The following EXOC4 variants were observed in gnomAD, a reference collection of about 807,000 sequenced individuals.
EXOC4 encodes the protein exocyst complex component 4.
A neutral mutation model predicts 107.2 loss-of-function variants in EXOC4; 71 were observed. That is an observed-to-expected ratio of 0.66 (90% CI 0.55 to 0.81). The LOEUF (loss-of-function observed/expected upper bound fraction) is 0.81. EXOC4 is among the 30% of genes least tolerant of loss of function. EXOC4 has a pLI of 0.00. For missense variants in EXOC4, 1,108 were observed against 1,189.6 expected, an observed-to-expected ratio of 0.93 and a Z score of 1.01; for synonymous variants, 456 against 441.2, an observed-to-expected ratio of 1.03 and a Z score of -0.42.
At chr7:133,816,242 A>G (rs891040571) in intron 10 of EXOC4, among the ~76,000 whole-genome samples, 2 of 152,212 alleles carry the variant, frequency 1.3e-5, no homozygotes, top group Non-Finnish European at 2.9e-5. Context: ...GACTGATGTT[A>G]TTTAACTAAA....
At position 133,253,140 on chromosome 7, in the gene EXOC4, A is replaced by C. The variant is rs752355682; in HGVS notation, c.39A>C (p.Thr13=). 2 of 1,614,208 alleles carry C rather than the reference A, an allele frequency of 1.2e-6. No individual in the cohort carries two copies. Among genetic ancestry groups the C allele is most frequent in the South Asian group, 1.1e-5 (1 of 91,086 alleles). The change falls in exon 1 of 18, where the codon ACA becomes ACC. Residue 13 remains threonine, a synonymous_variant. Transcript: ENST00000253861. The part of the protein sequence containing the change: ...AEAAGGKYRS[T]VSKSKDPSGL... ...CAGCTGGTGGGAAATACAGAAGCAC[A>C]GTCAGCAAAAGCAAAGACCCCTCGG...
intron 14 of EXOC4, 32 bp downstream of exon 14, chr7:133,938,101 C>T: frequency 1.2e-6 from 2 of 1,608,476 alleles, no homozygotes; most frequent in Non-Finnish European, 1.7e-6. Context: ...GTTGTGGGGA[C>T]AGTTGAGGAA....
At chr7:133,381,400 A>C (rs1199627210) in intron 7 of EXOC4, among the ~76,000 whole-genome samples, 1 of 152,138 alleles carries the variant, frequency 6.6e-6, no homozygotes, top group Non-Finnish European at 1.5e-5. Flanking sequence ...GAATGGCCCA[A>C]GAAAGGTTTT....
chr7:133,628,516 G>A (rs1802510801), intron 9 of EXOC4, among the ~76,000 whole-genome samples: 2 of 152,176 alleles, frequency 1.3e-5, no homozygotes, highest in South Asian at 4.1e-4. Context: ...CCCCTGGAGT[G>A]GGTAAAAGGT....
intron 17 of EXOC4, among the ~76,000 whole-genome samples, chr7:134,037,894 C>T (rs1389690042): frequency 1.3e-5 from 2 of 152,152 alleles, no homozygotes; most frequent in Non-Finnish European, 2.9e-5. Flanking sequence ...TATAAGATAG[C>T]GATCCTCAGC....
intron 10 of EXOC4, among the ~76,000 whole-genome samples, chr7:133,747,902 A>G (rs1263694414): frequency 1.3e-5 from 2 of 152,172 alleles, no homozygotes; most frequent in African/African-American, 4.8e-5. Context: ...TTTCTTGCCT[A>G]TCCGTACCAT....
chr7:133,704,140 A>G (rs1794720329), intron 10 of EXOC4, among the ~76,000 whole-genome samples: 1 of 152,180 alleles, frequency 6.6e-6, no homozygotes, highest in Non-Finnish European at 1.5e-5. Flanking sequence ...TTAAATAGTG[A>G]CGAGAACTTG....
At chr7:133,535,407 T>C (rs1484981658) in intron 9 of EXOC4, among the ~76,000 whole-genome samples, 1 of 152,184 alleles carries the variant, frequency 6.6e-6, no homozygotes, top group Non-Finnish European at 1.5e-5. Context: ...GAGAAGAATT[T>C]CATTTAAAAG....
At chr7:133,545,812 A>T (rs1425622642) in intron 9 of EXOC4, among the ~76,000 whole-genome samples, 1 of 152,184 alleles carries the variant, frequency 6.6e-6, no homozygotes, top group Non-Finnish European at 1.5e-5. Context: ...GTCAGATCTC[A>T]GTTTCATGTG....
intron 1 of EXOC4, among the ~76,000 whole-genome samples, chr7:133,255,899 A>T (rs1795005533): frequency 6.6e-6 from 1 of 151,918 alleles, no homozygotes; most frequent in Non-Finnish European, 1.5e-5. Context: ...TTGTGCTGTC[A>T]CTTGGAAGTT....
intron 2 of EXOC4, among the ~76,000 whole-genome samples, chr7:133,277,900 A>T (rs1367315270): frequency 6.6e-6 from 1 of 152,204 alleles, no homozygotes; most frequent in Non-Finnish European, 1.5e-5. Flanking sequence ...TACACTTTGG[A>T]TTATATATGA....
intron 10 of EXOC4, among the ~76,000 whole-genome samples, chr7:133,781,200 T>C (rs530248308): frequency 1.1e-4 from 17 of 152,348 alleles, no homozygotes; most frequent in Middle Eastern, 3.4e-3. Flanking sequence ...TCAAAACCAT[T>C]TGTGAAGAAG....
intron 9 of EXOC4, among the ~76,000 whole-genome samples, chr7:133,591,118 G>T (rs1033625556): frequency 1.9e-4 from 29 of 152,294 alleles, no homozygotes; most frequent in African/African-American, 7.0e-4. Context: ...CCACAAAAGG[G>T]CCAAGGGAAC....
chr7:133,962,633 A>G (rs1800973612), intron 14 of EXOC4, among the ~76,000 whole-genome samples: 1 of 152,166 alleles, frequency 6.6e-6, no homozygotes, highest in Non-Finnish European at 1.5e-5. Flanking sequence ...ATCTTACCAC[A>G]CAAACAACAT....
intron 9 of EXOC4, among the ~76,000 whole-genome samples, chr7:133,526,611 C>CT (rs1193850699): frequency 1.3e-5 from 2 of 152,178 alleles, no homozygotes; most frequent in Non-Finnish European, 2.9e-5. Flanking sequence ...TTTCATGTCC[C>CT]TGGGCCCAGT....
chr7:133,333,219 A>G (rs1374840342), intron 5 of EXOC4, among the ~76,000 whole-genome samples: 2 of 152,144 alleles, frequency 1.3e-5, no homozygotes, highest in Non-Finnish European at 2.9e-5. Context: ...TTGTTCTATG[A>G]CTTGTAATCA....
rs1285536993 is a variant in EXOC4 at position 134,065,192 on chromosome 7, A to G, written c.*664A>G. 2 of 152,554 alleles carry G rather than the reference A, an allele frequency of 1.3e-5. No individual in the cohort carries two copies. The highest frequency in any genetic ancestry group is 2.4e-5 in the African/African-American group (1 of 41,566). 9.5% of individuals were successfully genotyped at this position (152,554 alleles called of 1,614,324 possible). On this transcript the variant is annotated 3_prime_UTR_variant, in exon 18 of 18. Transcript: ENST00000253861. ...ACAGGTTGTAGGTTGGTTTATTGCC[A>G]TTTTGTTTTATTTCTGCTGTATAAA...
chr7:133,911,456 C>G (rs1325915800), intron 12 of EXOC4, among the ~76,000 whole-genome samples: 1 of 152,146 alleles, frequency 6.6e-6, no homozygotes, highest in Non-Finnish European at 1.5e-5. Flanking sequence ...GATTGGTGTT[C>G]ATTCCAAATG....
intron 10 of EXOC4, among the ~76,000 whole-genome samples, chr7:133,762,628 G>T (rs903658275): frequency 5.3e-5 from 8 of 151,982 alleles, no homozygotes; most frequent in Non-Finnish European, 1.0e-4. Context: ...GCAGAAAATG[G>T]AAAACAAACT....
Sources: allele counts gnomAD v4.1 joint callset (sites outside exome capture counted in the v4.1 genomes callset), GRCh38; gene constraint gnomAD v4.1.1; transcripts MANE v1.5; gene names NCBI Gene and HGNC (gene_info 2026-07-23, HGNC 2026-07-21).